The following ENAH variants were observed in gnomAD, a reference collection of about 807,000 sequenced individuals.
ENAH encodes ENAH actin regulator.
Under a neutral mutation model 78.7 loss-of-function variants are expected in ENAH, and 23 were observed. The ratio of observed to expected loss-of-function variants is 0.29; its 90% CI spans 0.21 to 0.41. The LOEUF (loss-of-function observed/expected upper bound fraction) is 0.41. Ranked by LOEUF, ENAH falls within the 10% of genes least tolerant of loss-of-function variation. ENAH has a pLI of 1.00. For missense variants in ENAH, 544 were observed against 691.0 expected, an observed-to-expected ratio of 0.79 and a Z score of 2.39; for synonymous variants, 226 against 241.0, an observed-to-expected ratio of 0.94 and a Z score of 0.58.
chr1:225,628,451 AAAGG>A (rs1248409029), intron 1 of ENAH, among the ~76,000 whole-genome samples: 3 of 152,212 alleles, frequency 2.0e-5, no homozygotes, highest in Non-Finnish European at 4.4e-5. Context: ...TAGCCATTTT[AAAGG>A]AAGTAAGTAA....
intron 1 of ENAH, among the ~76,000 whole-genome samples, chr1:225,651,896 T>TA (rs938727361): frequency 2.4e-4 from 37 of 152,276 alleles, no homozygotes; most frequent in African/African-American, 8.9e-4. Flanking sequence ...TCGTATCAAT[T>TA]AAAAAAATAT....
intron 3 of ENAH, among the ~76,000 whole-genome samples, chr1:225,552,981 C>G (rs538760962): frequency 6.6e-6 from 1 of 152,138 alleles, no homozygotes; most frequent in Admixed American, 6.5e-5. Context: ...TGCCTGTAAT[C>G]CCAGCACTTT....
chr1:225,609,720 A>C (rs910421770), intron 1 of ENAH, among the ~76,000 whole-genome samples: 7 of 122,688 alleles, frequency 5.7e-5, no homozygotes, highest in South Asian at 2.6e-4. Context: ...GCTGGAATGC[A>C]GTGGCACGAT....
chr1:225,650,965 C>T (rs535699244), intron 1 of ENAH, among the ~76,000 whole-genome samples: 2 of 149,934 alleles, frequency 1.3e-5, no homozygotes, highest in East Asian at 3.9e-4. Context: ...AAGATCCCTA[C>T]GGCATTAGAT....
chr1:225,566,141 G>C (rs2096733828), intron 2 of ENAH, among the ~76,000 whole-genome samples: 1 of 152,024 alleles, frequency 6.6e-6, no homozygotes. Flanking sequence ...TCTCGGGGGA[G>C]CTTCTAAGCC....
chr1:225,492,538 T>C lies in ENAH; in HGVS notation c.*5237A>G, dbSNP rs2096227115. 1 of 152,132 alleles carries C rather than the reference T, an allele frequency of 6.6e-6. No individual in the cohort carries two copies. Among genetic ancestry groups the C allele is most frequent in the East Asian group, 1.9e-4 (1 of 5,204 alleles). 9.4% of individuals were successfully genotyped at this position (152,132 alleles called of 1,614,324 possible). A position where few individuals can be genotyped will look rare whatever the true frequency, so the allele number is the denominator to read the frequency against. On this transcript the variant is annotated 3_prime_UTR_variant, in exon 14 of 14. Transcript: ENST00000366843. ...GTCTACGGGCCCTGCTCTCTGCTCT[T>C]TATGAGTATTTAACATGCTTCACAG...
intron 1 of ENAH, among the ~76,000 whole-genome samples, chr1:225,603,695 T>C (rs1039056299): frequency 2.6e-5 from 4 of 152,164 alleles, no homozygotes; most frequent in Non-Finnish European, 5.9e-5. Context: ...AGACAACACT[T>C]TGAAATCAAT....
At position 225,567,153 on chromosome 1, in the gene ENAH, T is replaced by C. The variant is rs2096738810; in HGVS notation, c.171+96A>G. 4 of 1,368,582 alleles carry C rather than the reference T, an allele frequency of 2.9e-6. No homozygotes were observed. The South Asian group carries it at 5.5e-5, about 19-fold the overall frequency. 84.8% of individuals were successfully genotyped at this position (1,368,582 alleles called of 1,614,324 possible). A position where few individuals can be genotyped will look rare whatever the true frequency, so the allele number is the denominator to read the frequency against. ...CAGTTTTTCCCAGAGAGAGACTATT[T>C]TGATTACAGTTTTAAAACTACTTTA... On this transcript the variant is annotated intron_variant, in intron 2 of 13. Transcript: ENST00000366843.
intron 10 of ENAH, among the ~76,000 whole-genome samples, chr1:225,509,916 A>C (rs1343490856): frequency 6.6e-6 from 1 of 152,132 alleles, no homozygotes; most frequent in African/African-American, 2.4e-5. Flanking sequence ...GCCAAACTAA[A>C]TACTCTTCAA....
At chr1:225,607,626 G>C (rs1434507545) in intron 1 of ENAH, among the ~76,000 whole-genome samples, 3 of 151,932 alleles carry the variant, frequency 2.0e-5, no homozygotes, top group African/African-American at 7.3e-5. Context: ...CCATTACTCT[G>C]GGAAGTTTAC....
chr1:225,498,203 CA>C, intron 13 of ENAH, 143 bp downstream of exon 13: 1 of 656,238 alleles, frequency 1.5e-6, no homozygotes, highest in Non-Finnish European at 2.6e-6. Context: ...ACCTCCTCCC[CA>C]AAACCCTAAT....
intron 1 of ENAH, among the ~76,000 whole-genome samples, chr1:225,601,161 C>G (rs2096928597): frequency 6.6e-6 from 1 of 152,104 alleles, no homozygotes; most frequent in African/African-American, 2.4e-5. Context: ...TCTGTTCAGA[C>G]TACTGATAGA....
rs542279034 is a variant in ENAH at position 225,486,974 on chromosome 1, T to C, written c.*10801A>G. On this transcript the variant is annotated 3_prime_UTR_variant, in exon 14 of 14. Coordinates refer to ENST00000366843, the MANE Select transcript of ENAH (RefSeq NM_018212.6). ...ATCCGATTTCAACGATGTGGCCACT[T>C]AATGCAAACACAGGGGTCTGATGCT... 2.6e-5 allele frequency: 4 copies of C among 152,780 alleles called. No homozygotes were observed. The highest frequency in any genetic ancestry group is 5.9e-5 in the Non-Finnish European group (4 of 68,028). 9.5% of individuals were successfully genotyped at this position (152,780 alleles called of 1,614,324 possible).
intron 3 of ENAH, among the ~76,000 whole-genome samples, chr1:225,543,086 G>A (rs2096597420): frequency 1.3e-5 from 2 of 151,530 alleles, no homozygotes; most frequent in Admixed American, 1.3e-4. Context: ...GGTTATTGCT[G>A]CATACTACAA....
At chr1:225,581,718 G>A (rs2096819021) in intron 1 of ENAH, among the ~76,000 whole-genome samples, 1 of 151,978 alleles carries the variant, frequency 6.6e-6, no homozygotes, top group Non-Finnish European at 1.5e-5. Context: ...TTCTGAGACA[G>A]GGTTTCACTC....
chr1:225,585,340 A>G (rs2147806529), intron 1 of ENAH, among the ~76,000 whole-genome samples: 1 of 152,176 alleles, frequency 6.6e-6, no homozygotes, highest in Non-Finnish European at 1.5e-5. Context: ...GTACACAAAA[A>G]AATTTGCAAG....
rs1368575433 is a variant in ENAH, at chr1:225,491,754, A to G, written c.*6021T>C. ...CTTTTTCTTCTGAGTGCTTTTTCCT[A>G]TGGAATTCAAAGTACCAACTATTCA... On this transcript the variant is annotated 3_prime_UTR_variant, in exon 14 of 14. Coordinates refer to ENST00000366843, the MANE Select transcript of ENAH (RefSeq NM_018212.6). The G allele has an allele frequency of 6.6e-6, 1 of 152,204 alleles. No homozygotes were observed. The highest frequency in any genetic ancestry group is 1.9e-4 in the East Asian group (1 of 5,200). The allele number at this position is 152,204 out of a possible 1,614,324, so 9.4% of individuals were successfully genotyped here. A position where few individuals can be genotyped will look rare whatever the true frequency, so the allele number is the denominator to read the frequency against.
intron 1 of ENAH, among the ~76,000 whole-genome samples, chr1:225,587,222 A>C (rs2096851932): frequency 6.6e-6 from 1 of 152,166 alleles, no homozygotes; most frequent in Non-Finnish European, 1.5e-5. Flanking sequence ...AAAAAAAAGA[A>C]AGGACAGAAA....
chr1:225,513,707 G>A (rs2096394455), intron 7 of ENAH, among the ~76,000 whole-genome samples: 1 of 152,122 alleles, frequency 6.6e-6, no homozygotes, highest in Admixed American at 6.6e-5. Context: ...AAGTGCATGT[G>A]TAGGCCGGGT....
Sources: gnomAD v4.1 joint callset for allele counts (sites outside exome capture counted in the v4.1 genomes callset) on GRCh38, gnomAD v4.1.1 for gene constraint, MANE v1.5 for transcripts, NCBI Gene and HGNC (gene_info 2026-07-23, HGNC 2026-07-21) for gene names.